The following TTLL7 variants were observed in gnomAD, a reference collection of about 807,000 sequenced individuals.
TTLL7 encodes tubulin polyglutamylase TTLL7.
A neutral mutation model predicts 120.2 loss-of-function variants in TTLL7; 53 were observed. That is an observed-to-expected ratio of 0.44 (90% CI 0.35 to 0.55). The LOEUF (loss-of-function observed/expected upper bound fraction) is 0.55, where lower values mean the gene tolerates loss of function less well. Ranked by LOEUF, TTLL7 falls within the 20% of genes least tolerant of loss-of-function variation. TTLL7 has a pLI of 0.00. For synonymous variants in TTLL7, 353 were observed against 351.7 expected (o/e 1.00, Z -0.04); for missense variants, 803 against 1,054.7 (o/e 0.76, Z 3.31).
At chr1:83,909,152 C>T (rs150121196) in intron 15 of TTLL7, among the ~76,000 whole-genome samples, 2 of 150,936 alleles carry the variant, frequency 1.3e-5, no homozygotes, top group African/African-American at 4.9e-5. Flanking sequence ...AGTAACTGCA[C>T]TGTAGTCCTA....
chr1:83,886,450 C>A (rs939681400), intron 19 of TTLL7, among the ~76,000 whole-genome samples: 3 of 151,934 alleles, frequency 2.0e-5, no homozygotes, highest in Non-Finnish European at 4.4e-5. Flanking sequence ...AAAAGTATAA[C>A]AACACATCCA....
At chr1:83,875,102 C>T (rs567236994) in intron 20 of TTLL7, among the ~76,000 whole-genome samples, 1 of 151,674 alleles carries the variant, frequency 6.6e-6, no homozygotes, top group Non-Finnish European at 1.5e-5. Context: ...TCATTATCAC[C>T]CATGTTAAGT....
intron 1 of TTLL7, among the ~76,000 whole-genome samples, chr1:83,987,202 AT>A (rs1652547164): frequency 6.6e-6 from 1 of 151,996 alleles, no homozygotes; most frequent in South Asian, 2.1e-4. Context: ...CATGTGCAAG[AT>A]TTACATAATT....
At chr1:83,924,134 A>G (rs2100802608) in intron 10 of TTLL7, among the ~76,000 whole-genome samples, 1 of 152,292 alleles carries the variant, frequency 6.6e-6, no homozygotes, top group South Asian at 2.1e-4. Context: ...AAAAAGAACC[A>G]GACAGGGCCA....
At chr1:83,923,761 A>G (rs1478231235) in intron 10 of TTLL7, among the ~76,000 whole-genome samples, 1 of 152,190 alleles carries the variant, frequency 6.6e-6, no homozygotes, top group Admixed American at 6.5e-5. Context: ...ACCACAGGCC[A>G]GAATAAAAAT....
intron 20 of TTLL7, 88 bp from the exon 21 acceptor site, chr1:83,870,170 CTA>C: frequency 1.6e-6 from 2 of 1,231,476 alleles, no homozygotes; most frequent in South Asian, 1.9e-5. Context: ...TTTACGTAGT[CTA>C]TATGAGAAAT....
intron 1 of TTLL7, among the ~76,000 whole-genome samples, chr1:83,997,405 G>A (rs962217467): frequency 5.3e-5 from 8 of 152,170 alleles, no homozygotes; most frequent in Non-Finnish European, 1.0e-4. Context: ...TATTTTTACA[G>A]AAGGAGCATA....
intron 17 of TTLL7, among the ~76,000 whole-genome samples, chr1:83,906,117 T>G (rs1657179198): frequency 6.6e-6 from 1 of 152,098 alleles, no homozygotes; most frequent in Non-Finnish European, 1.5e-5. Flanking sequence ...AAAGATACTT[T>G]GTACTGCTGA....
At chr1:83,933,584 C>A in intron 9 of TTLL7, 24 bp downstream of exon 9, 1 of 1,605,084 alleles carries the variant, frequency 6.2e-7, no homozygotes, top group Non-Finnish European at 8.5e-7. Flanking sequence ...GATAACTCTT[C>A]TTTTTTCTTA....
intron 1 of TTLL7, among the ~76,000 whole-genome samples, chr1:83,994,955 G>C (rs933005577): frequency 6.6e-6 from 1 of 152,184 alleles, no homozygotes; most frequent in Non-Finnish European, 1.5e-5. Context: ...TACAGCTGAA[G>C]TCCACAAATA....
At chr1:83,955,079 T>C (rs1437772922) in intron 1 of TTLL7, among the ~76,000 whole-genome samples, 4 of 152,218 alleles carry the variant, frequency 2.6e-5, no homozygotes, top group Non-Finnish European at 4.4e-5. Flanking sequence ...ATTTCTTCCC[T>C]ATTCTTCCGT....
At chr1:83,900,756 C>T (rs913804832) in intron 18 of TTLL7, among the ~76,000 whole-genome samples, 1 of 151,986 alleles carries the variant, frequency 6.6e-6, no homozygotes, top group African/African-American at 2.4e-5. Flanking sequence ...TGACTCATAA[C>T]ATTATGAACA....
In TTLL7 at chr1:83,998,947, C is replaced by A. The variant is rs979673206; in HGVS notation, c.-193G>T. The stretch of plus-strand genomic sequence containing the variant: ...GGTACTCACCCGGGTGAGGAAAGCC[C>A]AGCCCGGGTCCTCGCGTCCCCGCTG... On this transcript the variant is annotated 5_prime_UTR_variant, in exon 1 of 21. Coordinates refer to ENST00000260505, the MANE Select transcript of TTLL7 (RefSeq NM_024686.6). 1 of 426,926 alleles carries A rather than the reference C, an allele frequency of 2.3e-6. No homozygotes were observed. The highest frequency in any genetic ancestry group is 2.1e-5 in the African/African-American group (1 of 47,532). The allele number at this position is 426,926 out of a possible 1,614,324, so 26.4% of individuals were successfully genotyped here.
intron 1 of TTLL7, chr1:83,983,870 A>G (rs1196848553): frequency 1.3e-5 from 2 of 152,228 alleles, no homozygotes; most frequent in Non-Finnish European, 2.9e-5. Context: ...GCAGGAAGAG[A>G]GCTGGAGCCC....
chr1:83,943,759 G>C (rs1480413428), intron 6 of TTLL7, among the ~76,000 whole-genome samples: 1 of 152,144 alleles, frequency 6.6e-6, no homozygotes, highest in African/African-American at 2.4e-5. Flanking sequence ...AAAGGAAAAA[G>C]AAAGTATAGC....
chr1:83,990,429 C>A (rs1268462384), intron 1 of TTLL7, among the ~76,000 whole-genome samples: 1 of 152,166 alleles, frequency 6.6e-6, no homozygotes, highest in Admixed American at 6.5e-5. Flanking sequence ...CCCGCCTCGG[C>A]CTCCCAAAGT....
rs556661303 is a variant in TTLL7 at position 83,960,378 on chromosome 1, G to C, written c.-176-7991C>G. 8.5e-5 allele frequency among the ~76,000 whole-genome samples: 13 copies of C among 152,288 alleles called. 1 individual carries two copies. The highest frequency in any genetic ancestry group is 2.1e-4 in the South Asian group (1 of 4,828). On this transcript the variant is annotated intron_variant, in intron 1 of 20. Transcript: ENST00000260505. ...TCCAAGAGAGAGAAGATAAGAGCTT[G>C]ATTACAGATAAAAGCAACAGACATA... is the stretch of plus-strand genomic sequence containing the variant.
chr1:83,924,690 T>C (rs1188396511), intron 10 of TTLL7, among the ~76,000 whole-genome samples: 1 of 152,176 alleles, frequency 6.6e-6, no homozygotes, highest in African/African-American at 2.4e-5. Flanking sequence ...GTCACTGAAT[T>C]ATACACTTAA....
chr1:83,937,197 G>A (rs1417959812), intron 8 of TTLL7, among the ~76,000 whole-genome samples: 1 of 141,668 alleles, frequency 7.1e-6, no homozygotes, highest in Non-Finnish European at 1.6e-5. Flanking sequence ...ACACTATTCA[G>A]TACGGTAATT....
Sources: allele counts gnomAD v4.1 joint callset (sites outside exome capture counted in the v4.1 genomes callset), GRCh38; gene constraint gnomAD v4.1.1; transcripts MANE v1.5; gene names NCBI Gene and HGNC (gene_info 2026-07-23, HGNC 2026-07-21).